Variants in SCHIP1 observed in about 807,000 individuals in gnomAD.
SCHIP1 encodes schwannomin interacting protein 1.
A neutral mutation model predicts 29.7 loss-of-function variants in SCHIP1; 8 were observed. The ratio of observed to expected loss-of-function variants is 0.27; its 90% CI spans 0.16 to 0.49. The LOEUF (loss-of-function observed/expected upper bound fraction) is 0.49, where lower values mean the gene tolerates loss of function less well. Among genes scored for constraint, SCHIP1 ranks in the 20% least tolerant of loss-of-function variants. The pLI is 0.99. For missense variants in SCHIP1, 193 were observed against 294.6 expected (o/e 0.66, Z 2.52); for synonymous variants, 76 against 94.9 (o/e 0.80, Z 1.16).
the SCHIP1 span, among the ~76,000 whole-genome samples, chr3:159,617,085 C>G: frequency 6.6e-6 from 1 of 152,086 alleles, no homozygotes; most frequent in Non-Finnish European, 1.5e-5. Context: ...GGTTCTTGTA[C>G]CAGCAATTAA....
At chr3:159,721,712 A>G in the SCHIP1 span, 1 of 381,282 alleles carries the variant, frequency 2.6e-6, no homozygotes, top group Non-Finnish European at 5.1e-6. Flanking sequence ...TCGGTTGTGC[A>G]GCATATATTC....
chr3:159,386,513 T>C, the SCHIP1 span, among the ~76,000 whole-genome samples: 2 of 152,112 alleles, frequency 1.3e-5, no homozygotes, highest in Admixed American at 1.3e-4. Context: ...CAAACTACCA[T>C]TGACTTTCTT....
chr3:159,683,429 C>T, the SCHIP1 span, among the ~76,000 whole-genome samples: 2 of 152,088 alleles, frequency 1.3e-5, no homozygotes, highest in Admixed American at 6.5e-5. Flanking sequence ...GGTGTTCTTG[C>T]TCCATTGCGT....
chr3:159,303,915 G>A, the SCHIP1 span, among the ~76,000 whole-genome samples: 1 of 151,600 alleles, frequency 6.6e-6, no homozygotes, highest in Non-Finnish European at 1.5e-5. Context: ...ACATTGTGCA[G>A]GTTAGTTACG....
the SCHIP1 span, among the ~76,000 whole-genome samples, chr3:159,648,670 G>A: frequency 1.3e-5 from 2 of 152,070 alleles, no homozygotes; most frequent in Non-Finnish European, 2.9e-5. Context: ...TGTGCCCTAG[G>A]AGTTGACCCC....
chr3:159,779,339 C>T, the SCHIP1 span, among the ~76,000 whole-genome samples: 1 of 152,128 alleles, frequency 6.6e-6, no homozygotes, highest in African/African-American at 2.4e-5. Flanking sequence ...AACTAAACCA[C>T]TAATGGGCAC....
the SCHIP1 span, among the ~76,000 whole-genome samples, chr3:159,415,309 T>G: frequency 6.6e-6 from 1 of 152,154 alleles, no homozygotes; most frequent in Non-Finnish European, 1.5e-5. Flanking sequence ...GTTTAACTTT[T>G]ATTTTAGGTT....
chr3:159,484,980 T>C, the SCHIP1 span, among the ~76,000 whole-genome samples: 1 of 152,224 alleles, frequency 6.6e-6, no homozygotes, highest in Non-Finnish European at 1.5e-5. Context: ...ACATGGATAG[T>C]AATTTCATAA....
chr3:159,440,297 G>C, the SCHIP1 span, among the ~76,000 whole-genome samples: 1 of 152,126 alleles, frequency 6.6e-6, no homozygotes, highest in South Asian at 2.1e-4. Flanking sequence ...GTACCATGCT[G>C]CTTTGGTTAC....
At chr3:159,889,273 A>G (rs1482295560) in intron 5 of SCHIP1, among the ~76,000 whole-genome samples, 1 of 152,240 alleles carries the variant, frequency 6.6e-6, no homozygotes, top group Admixed American at 6.5e-5. Flanking sequence ...CTATACAAGT[A>G]TACTTTCTAC....
At chr3:159,483,028 T>G in the SCHIP1 span, among the ~76,000 whole-genome samples, 11 of 152,260 alleles carry the variant, frequency 7.2e-5, no homozygotes, top group Admixed American at 7.2e-4. Context: ...AATATATATC[T>G]TATCACTCTT....
At chr3:159,451,720 C>G in the SCHIP1 span, among the ~76,000 whole-genome samples, 1 of 152,112 alleles carries the variant, frequency 6.6e-6, no homozygotes, top group Non-Finnish European at 1.5e-5. Context: ...ACTGTCTCTG[C>G]CCTTAGGTTA....
intron 4 of SCHIP1, 136 bp from the exon 6 acceptor site, chr3:159,888,682 GAC>G: frequency 7.5e-7 from 1 of 1,328,272 alleles, no homozygotes; most frequent in Non-Finnish European, 1.0e-6. Context: ...CATTGGGAAA[GAC>G]ACAGACTGGG....
At chr3:159,749,601 C>A in the SCHIP1 span, among the ~76,000 whole-genome samples, 2 of 152,172 alleles carry the variant, frequency 1.3e-5, no homozygotes, top group South Asian at 4.2e-4. Context: ...CATGCAGAAC[C>A]CCTTGATTTA....
chr3:159,577,906 C>T, the SCHIP1 span, among the ~76,000 whole-genome samples: 1 of 152,206 alleles, frequency 6.6e-6, no homozygotes, highest in African/African-American at 2.4e-5. Flanking sequence ...GTGATTGAAA[C>T]AAAATATTTA....
chr3:159,780,306 G>C, the SCHIP1 span, among the ~76,000 whole-genome samples: 19 of 152,288 alleles, frequency 1.2e-4, no homozygotes, highest in African/African-American at 4.6e-4. Context: ...GTTTCTACTT[G>C]TTTCCAAAGT....
chr3:159,366,105 C>A, the SCHIP1 span, among the ~76,000 whole-genome samples: 1 of 152,116 alleles, frequency 6.6e-6, no homozygotes, highest in African/African-American at 2.4e-5. Flanking sequence ...CTAGGAAGGC[C>A]TCAGGAAGAT....
chr3:159,892,535 C>T, intron 6 of SCHIP1: 1 of 490,224 alleles, frequency 2.0e-6, no homozygotes, highest in South Asian at 3.1e-5. Flanking sequence ...ATGTTTCCAG[C>T]ACAAGCAGCC....
chr3:159,458,639 T>C, the SCHIP1 span, among the ~76,000 whole-genome samples: 2 of 152,054 alleles, frequency 1.3e-5, no homozygotes, highest in African/African-American at 2.4e-5. Flanking sequence ...TAAAGAGTTT[T>C]CTGGATTGAA....
Sources: gnomAD v4.1 joint callset for allele counts (sites outside exome capture counted in the v4.1 genomes callset) on GRCh38, gnomAD v4.1.1 for gene constraint, MANE v1.5 for transcripts, NCBI Gene and HGNC (gene_info 2026-07-23, HGNC 2026-07-21) for gene names.